HSD17B12: variants seen among roughly 807,000 people sequenced by gnomAD.
HSD17B12 encodes the protein hydroxysteroid 17-beta dehydrogenase 12, also known as very-long-chain 3-oxoacyl-CoA reductase.
HSD17B12 carries 32 observed loss-of-function variants against 39.3 expected under a neutral mutation model. That is an observed-to-expected ratio of 0.81 (90% CI 0.61 to 1.09). The LOEUF is 1.09. HSD17B12 is among the 50% of genes least tolerant of loss of function. The pLI, the probability that HSD17B12 is intolerant of heterozygous loss-of-function variation, is 0.00. For missense variants in HSD17B12, 342 were observed against 382.9 expected, an observed-to-expected ratio of 0.89 and a Z score of 0.89; for synonymous variants, 150 against 146.7, an observed-to-expected ratio of 1.02 and a Z score of -0.16.
chr11:43,634,978 T>G, the HSD17B12 span, among the ~76,000 whole-genome samples: 2 of 152,208 alleles, frequency 1.3e-5, no homozygotes, highest in African/African-American at 4.8e-5. Context: ...ATAATGCCTT[T>G]GTGGTTGTGT....
chr11:43,779,093 A>G (rs933568857), intron 3 of HSD17B12, among the ~76,000 whole-genome samples: 2 of 152,168 alleles, frequency 1.3e-5, no homozygotes, highest in Non-Finnish European at 2.9e-5. Flanking sequence ...AAATATTTTG[A>G]CCTTCAAAAT....
Position 43,855,266 on chromosome 11 carries a change from G to A in HSD17B12, c.*18G>A. 1 of 1,515,188 alleles carries A rather than the reference G, an allele frequency of 6.6e-7. No homozygotes were observed. The highest frequency in any genetic ancestry group is 9.1e-7 in the Non-Finnish European group (1 of 1,102,682). 93.9% of individuals were successfully genotyped at this position (1,515,188 alleles called of 1,614,324 possible). The stretch of plus-strand genomic sequence containing the variant: ...AGAACTAAGCATTGATAACTGCATT[G>A]TAACTTGGCCAGATGCTCCAGCATA... On this transcript the variant is annotated 3_prime_UTR_variant, in exon 11 of 11. Transcript: ENST00000278353.
chr11:43,757,729 C>A (rs1215430875), intron 3 of HSD17B12, among the ~76,000 whole-genome samples: 1 of 125,472 alleles, frequency 8.0e-6, no homozygotes, highest in Non-Finnish European at 1.7e-5. Context: ...AAAAAACAGA[C>A]AAATAAATAA....
upstream of HSD17B12, among the ~76,000 whole-genome samples, chr11:43,676,127 C>T (rs1949692117): frequency 6.6e-6 from 1 of 151,480 alleles, no homozygotes; most frequent in African/African-American, 2.4e-5. Flanking sequence ...AAAGAGTTAA[C>T]ATTCATCCCT....
At chr11:43,596,473 C>T in the HSD17B12 span, among the ~76,000 whole-genome samples, 1 of 152,060 alleles carries the variant, frequency 6.6e-6, no homozygotes, top group Admixed American at 6.5e-5. Context: ...CGCTCTGTTG[C>T]CCAGGCTGGA....
At chr11:43,637,576 T>C in the HSD17B12 span, among the ~76,000 whole-genome samples, 220 of 152,180 alleles carry the variant, frequency 1.4e-3, no homozygotes, top group African/African-American at 5.1e-3. Flanking sequence ...AGATCCTCTA[T>C]TGGGTCAGAA....
chr11:43,817,023 T>TAG (rs1951134574), intron 6 of HSD17B12, among the ~76,000 whole-genome samples: 3 of 24,666 alleles, frequency 1.2e-4, no homozygotes, highest in African/African-American at 3.5e-4. Flanking sequence ...TATCTATATC[T>TAG]ATATCTATAT....
chr11:43,697,687 A>T (rs891501473), intron 1 of HSD17B12, among the ~76,000 whole-genome samples: 44 of 152,172 alleles, frequency 2.9e-4, no homozygotes, highest in African/African-American at 9.7e-4. Context: ...AGGACAGGGG[A>T]CTATTTCAAG....
chr11:43,699,884 G>A (rs1164086855), intron 1 of HSD17B12, among the ~76,000 whole-genome samples: 1 of 152,200 alleles, frequency 6.6e-6, no homozygotes, highest in Non-Finnish European at 1.5e-5. Context: ...CAACATCACT[G>A]ATCATCAGAG....
At chr11:43,588,632 T>TATTATTATTATTATTATA in the HSD17B12 span, among the ~76,000 whole-genome samples, 1 of 149,536 alleles carries the variant, frequency 6.7e-6, no homozygotes, top group Non-Finnish European at 1.5e-5. Flanking sequence ...TTATTATTAT[T>TATTATTATTATTATTATA]ATTATAGTGT....
At chr11:43,750,326 C>T (rs573770931) in intron 1 of HSD17B12, among the ~76,000 whole-genome samples, 2 of 152,214 alleles carry the variant, frequency 1.3e-5, no homozygotes, top group South Asian at 2.1e-4. Context: ...TTATGTCAGA[C>T]TTTTTGTAAT....
the HSD17B12 span, among the ~76,000 whole-genome samples, chr11:43,583,318 TGCG>T: frequency 1.3e-5 from 2 of 152,200 alleles, no homozygotes; most frequent in Non-Finnish European, 2.9e-5. Context: ...CCCGGCGTCG[TGCG>T]GCACCGGAGC....
intron 3 of HSD17B12, among the ~76,000 whole-genome samples, chr11:43,759,553 GA>G (rs767365085): frequency 8.6e-5 from 13 of 151,876 alleles, no homozygotes; most frequent in Non-Finnish European, 1.6e-4. Context: ...ATTCATCAAA[GA>G]AAAAAACTAG....
intron 1 of HSD17B12, among the ~76,000 whole-genome samples, chr11:43,736,577 C>T (rs1229249403): frequency 6.6e-6 from 1 of 152,108 alleles, no homozygotes; most frequent in Non-Finnish European, 1.5e-5. Flanking sequence ...TTCCTCATAC[C>T]ATGGGATTGT....
chr11:43,609,923 C>T, the HSD17B12 span, among the ~76,000 whole-genome samples: 11 of 152,264 alleles, frequency 7.2e-5, no homozygotes, highest in African/African-American at 2.4e-4. Context: ...TTATTAGTCT[C>T]ATAAGGAAAA....
At chr11:43,594,413 G>GA in the HSD17B12 span, among the ~76,000 whole-genome samples, 3 of 150,660 alleles carry the variant, frequency 2.0e-5, no homozygotes, top group East Asian at 2.0e-4. Flanking sequence ...ATTCAATATA[G>GA]AAAAAAAAGT....
chr11:43,755,011 T>G (rs775350534), intron 3 of HSD17B12: 109 of 600,640 alleles, frequency 1.8e-4, no homozygotes, highest in Non-Finnish European at 2.9e-4. Flanking sequence ...TGCTGACCAT[T>G]TGTGGCCAGG....
intron 1 of HSD17B12, among the ~76,000 whole-genome samples, chr11:43,703,352 G>A (rs1949984289): frequency 6.6e-6 from 1 of 151,886 alleles, no homozygotes; most frequent in South Asian, 2.1e-4. Context: ...CCGCCACTAC[G>A]CCCGGCTAAT....
At chr11:43,617,427 G>C in the HSD17B12 span, among the ~76,000 whole-genome samples, 1 of 152,240 alleles carries the variant, frequency 6.6e-6, no homozygotes, top group Admixed American at 6.5e-5. Context: ...GAGGCATGGA[G>C]TGTCTCTAGG....
Sources: allele counts gnomAD v4.1 joint callset (sites outside exome capture counted in the v4.1 genomes callset), GRCh38; gene constraint gnomAD v4.1.1; transcripts MANE v1.5; gene names NCBI Gene and HGNC (gene_info 2026-07-23, HGNC 2026-07-21).